Variants in RNF217 observed in about 807,000 individuals in gnomAD.
RNF217 encodes the protein ring finger protein 217, also known as E3 ubiquitin-protein ligase RNF217.
In RNF217, 31 loss-of-function variants were observed where a neutral mutation model predicts 57.8. The observed-to-expected ratio is 0.54, with a 90% CI of 0.40 to 0.72. The LOEUF (loss-of-function observed/expected upper bound fraction) is 0.72. Among genes scored for constraint, RNF217 ranks in the 30% least tolerant of loss-of-function variants. RNF217 has a pLI of 0.00. For missense variants in RNF217, 696 were observed against 708.3 expected (o/e 0.98, Z 0.20); for synonymous variants, 313 against 294.0 (o/e 1.06, Z -0.66).
intron 3 of RNF217, among the ~76,000 whole-genome samples, chr6:125,074,293 A>ATAGG (rs753637899): frequency 3.0e-5 from 4 of 132,062 alleles, no homozygotes; most frequent in African/African-American, 5.6e-5. Context: ...TAGACAGAAG[A>ATAGG]TAGGTAGATA....
intron 1 of RNF217, among the ~76,000 whole-genome samples, chr6:124,972,474 A>T (rs1047610591): frequency 6.6e-6 from 1 of 152,044 alleles, no homozygotes; most frequent in African/African-American, 2.4e-5. Flanking sequence ...GCCTTTCAAC[A>T]CCTGCTTCTT....
At chr6:124,975,399 A>G (rs1783919905) in intron 1 of RNF217, among the ~76,000 whole-genome samples, 1 of 152,208 alleles carries the variant, frequency 6.6e-6, no homozygotes, top group Non-Finnish European at 1.5e-5. Flanking sequence ...GCCAGATTGT[A>G]GCCCATCTTT....
intron 1 of RNF217, among the ~76,000 whole-genome samples, chr6:125,019,833 T>G (rs9385361): frequency 0.95 from 139,332 of 146,278 alleles, 66,356 homozygotes; most frequent in Non-Finnish European, 0.97. Context: ...TTTTTTGCAG[T>G]GGGGGGGGAG....
At chr6:125,021,517 G>A (rs1367645333) in intron 1 of RNF217, among the ~76,000 whole-genome samples, 3 of 151,872 alleles carry the variant, frequency 2.0e-5, no homozygotes, top group Non-Finnish European at 4.4e-5. Context: ...TACCCACCTC[G>A]GCCTCCCAAA....
intron 1 of RNF217, chr6:125,009,141 C>T (rs930248780): frequency 2.2e-6 from 3 of 1,365,004 alleles, no homozygotes; most frequent in South Asian, 1.7e-5. Context: ...GTTCTTTGAC[C>T]TTTTGCCATT....
At chr6:125,032,704 G>T (rs989469904) in intron 1 of RNF217, among the ~76,000 whole-genome samples, 3 of 152,028 alleles carry the variant, frequency 2.0e-5, no homozygotes, top group African/African-American at 7.2e-5. Flanking sequence ...ATACTTTTTG[G>T]TTTATGAACT....
At chr6:124,986,195 G>A (rs1784358546) in intron 1 of RNF217, among the ~76,000 whole-genome samples, 1 of 152,166 alleles carries the variant, frequency 6.6e-6, no homozygotes, top group South Asian at 2.1e-4. Context: ...CTGCCAGGCT[G>A]GCATTAGTCT....
intron 1 of RNF217, among the ~76,000 whole-genome samples, chr6:124,965,301 C>T (rs935455774): frequency 2.0e-5 from 3 of 152,102 alleles, no homozygotes; most frequent in Non-Finnish European, 4.4e-5. Context: ...TGGCCGGGTG[C>T]GGTGGCTCAC....
At chr6:125,025,044 A>T (rs947468028) in intron 1 of RNF217, among the ~76,000 whole-genome samples, 2 of 152,202 alleles carry the variant, frequency 1.3e-5, no homozygotes, top group Non-Finnish European at 1.5e-5. Context: ...AAATCCACAA[A>T]GGAGGATACA....
At chr6:124,985,405 T>C (rs1258157707) in intron 1 of RNF217, among the ~76,000 whole-genome samples, 3 of 152,232 alleles carry the variant, frequency 2.0e-5, no homozygotes, top group African/African-American at 4.8e-5. Context: ...TGGAAAATGG[T>C]ATATTCATCC....
intron 3 of RNF217, among the ~76,000 whole-genome samples, chr6:125,066,581 G>C (rs1210476634): frequency 3.3e-5 from 5 of 152,126 alleles, no homozygotes; most frequent in Non-Finnish European, 7.4e-5. Flanking sequence ...CAGCTTCTCA[G>C]TAAAACTTCC....
At chr6:125,052,430 A>T (rs1436899695) in intron 2 of RNF217, among the ~76,000 whole-genome samples, 1 of 151,856 alleles carries the variant, frequency 6.6e-6, no homozygotes, top group African/African-American at 2.4e-5. Context: ...TGCTGTGAGA[A>T]ACTAAGGCAA....
Position 124,989,306 on chromosome 6 carries a change from C to T in RNF217, c.882+25880C>T, listed in dbSNP as rs117204930. ...AACAAAGTTATTTGCCATGTAATTA[C>T]GTAGCAAAATAATCCACACTCCATT... On this transcript the variant is annotated intron_variant, in intron 1 of 5. Transcript: ENST00000521654. Among the ~76,000 whole-genome samples the T allele has an allele frequency of 6.7e-3, 1,018 of 152,244 alleles. 7 individuals are homozygous for T. Among genetic ancestry groups the T allele is most frequent in the Admixed American group, 0.01 (160 of 15,304 alleles).
intron 1 of RNF217, among the ~76,000 whole-genome samples, chr6:124,988,468 A>C (rs901365391): frequency 6.6e-6 from 1 of 152,234 alleles, no homozygotes; most frequent in African/African-American, 2.4e-5. Flanking sequence ...AAAGCAAATG[A>C]ATTTTATAAG....
intron 1 of RNF217, among the ~76,000 whole-genome samples, chr6:125,037,472 T>A (rs1786684539): frequency 6.6e-6 from 1 of 152,194 alleles, no homozygotes; most frequent in Non-Finnish European, 1.5e-5. Flanking sequence ...GTATTTATCT[T>A]GCTTAGAGTC....
intron 1 of RNF217, among the ~76,000 whole-genome samples, chr6:124,993,130 G>A (rs1784624683): frequency 6.6e-6 from 1 of 152,000 alleles, no homozygotes; most frequent in Non-Finnish European, 1.5e-5. Flanking sequence ...CTTTCTTTTG[G>A]TCTCTACTGC....
Position 125,085,596 on chromosome 6 carries a change from A to G in RNF217, c.*2659A>G, listed in dbSNP as rs1335706111. The G allele has an allele frequency of 3.3e-5, 5 of 152,074 alleles. No homozygotes were observed. The highest frequency in any genetic ancestry group is 7.2e-5 in the African/African-American group (3 of 41,536). 9.4% of individuals were successfully genotyped at this position (152,074 alleles called of 1,614,324 possible). ...AAAGAAGCGTGCACATAAAATAAAT[A>G]TCTTTCTATCCAAGGCTTGTCATTT... is the stretch of plus-strand genomic sequence containing the variant. On this transcript the variant is annotated 3_prime_UTR_variant, in exon 6 of 6. Transcript: ENST00000521654.
intron 1 of RNF217, among the ~76,000 whole-genome samples, chr6:124,990,744 C>G (rs1784530265): frequency 1.3e-5 from 2 of 152,110 alleles, no homozygotes. Flanking sequence ...ATTCTCCCTG[C>G]CCTAGTACCT....
intron 1 of RNF217, chr6:124,983,383 A>G: frequency 1.0e-6 from 1 of 985,098 alleles, no homozygotes; most frequent in South Asian, 4.7e-5. Flanking sequence ...ACAGAGGAGG[A>G]CACAAACATG....
Sources: allele counts gnomAD v4.1 joint callset (sites outside exome capture counted in the v4.1 genomes callset), GRCh38; gene constraint gnomAD v4.1.1; transcripts MANE v1.5; gene names NCBI Gene and HGNC (gene_info 2026-07-23, HGNC 2026-07-21).